CNTNAP2: variants seen among roughly 807,000 people sequenced by gnomAD.
The protein encoded by CNTNAP2 is contactin-associated protein-like 2.
In CNTNAP2, 98 loss-of-function variants were observed where a neutral mutation model predicts 155.2. The ratio of observed to expected loss-of-function variants is 0.63; its 90% CI spans 0.54 to 0.75. The LOEUF (loss-of-function observed/expected upper bound fraction) is 0.75. Ranked by LOEUF, CNTNAP2 falls within the 30% of genes least tolerant of loss-of-function variation. The probability of loss-of-function intolerance (pLI) is 0.00; values close to 1 mark genes in which losing one functional copy is unlikely to be tolerated. For missense variants in CNTNAP2, 1,727 were observed against 1,688.1 expected (o/e 1.02, Z -0.40); for synonymous variants, 651 against 631.2 (o/e 1.03, Z -0.47).
rs935590800 is a variant in CNTNAP2, at chr7:147,132,261, C to T, written c.1100C>T (p.Ser367Phe). The T allele has an allele frequency of 6.2e-7, 1 of 1,613,670 alleles. No homozygotes were observed. The highest frequency in any genetic ancestry group is 1.1e-5 in the South Asian group (1 of 91,078). Residue 367 changes from serine (S) to phenylalanine (F), a missense_variant, in exon 8 of 24, where the codon TCT (serine) becomes TTT (phenylalanine). Transcript: ENST00000361727. ...ATTTTACAGGGAAATTTGAGCTTTT[C>T]TTGTGTGGAACCCTATACGGTGCCT... is the stretch of plus-strand genomic sequence containing the variant. ...EPSNVGNLSF[S>F]CVEPYTVPVF... is the part of the protein sequence containing the mutation.
At position 146,342,926 on chromosome 7, in the gene CNTNAP2, A is replaced by C. The variant is rs566970994; in HGVS notation, c.97+225953A>C. Among the ~76,000 whole-genome samples, 14 of 152,352 alleles carry C rather than the reference A, an allele frequency of 9.2e-5. No individual in the cohort carries two copies. The South Asian group carries it at 2.7e-3, about 29-fold the overall frequency. On this transcript the variant is annotated intron_variant, in intron 1 of 23. Coordinates refer to ENST00000361727, the MANE Select transcript of CNTNAP2 (RefSeq NM_014141.6). ...AAATGTAACTGCAGAATTAGAATGCAGAATTGCTTCTCAAGCACACCACAC... is the reference window on the plus strand; with the variant it reads ...AAATGTAACTGCAGAATTAGAATGCCGAATTGCTTCTCAAGCACACCACAC...
chr7:148,348,828 C>T (rs1798369134), intron 21 of CNTNAP2, among the ~76,000 whole-genome samples: 1 of 152,180 alleles, frequency 6.6e-6, no homozygotes, highest in Non-Finnish European at 1.5e-5. Flanking sequence ...ACTACCTAAT[C>T]GGATGCGAGA....
intron 3 of CNTNAP2, among the ~76,000 whole-genome samples, chr7:147,013,908 G>C (rs891092691): frequency 6.6e-6 from 1 of 152,062 alleles, no homozygotes; most frequent in Non-Finnish European, 1.5e-5. Context: ...TCTCTCTTCC[G>C]ACATGCTTTG....
At chr7:148,394,891 T>C (rs1799432329) in intron 22 of CNTNAP2, among the ~76,000 whole-genome samples, 4 of 152,152 alleles carry the variant, frequency 2.6e-5, no homozygotes, top group Admixed American at 2.6e-4. Flanking sequence ...AGCCCACTGC[T>C]TCTTGTGGGA....
intron 8 of CNTNAP2, among the ~76,000 whole-genome samples, chr7:147,220,859 A>G (rs1803381032): frequency 6.6e-6 from 1 of 151,946 alleles, no homozygotes; most frequent in African/African-American, 2.4e-5. Flanking sequence ...GATTATAGGC[A>G]TTCATCACCA....
At chr7:147,554,846 T>TAA (rs796267547) in intron 11 of CNTNAP2, among the ~76,000 whole-genome samples, 5 of 145,968 alleles carry the variant, frequency 3.4e-5, no homozygotes, top group African/African-American at 1.2e-4. Flanking sequence ...ATTCAAGCTC[T>TAA]AAAAAAAAAA....
intron 1 of CNTNAP2, among the ~76,000 whole-genome samples, chr7:146,569,233 GTCTCGA>G (rs1798404660): frequency 6.6e-6 from 1 of 152,046 alleles, no homozygotes; most frequent in South Asian, 2.1e-4. Context: ...AGCCAGGATG[GTCTCGA>G]TCTCCTCCTG....
chr7:146,788,176 C>T (rs552379572), intron 2 of CNTNAP2, among the ~76,000 whole-genome samples: 18 of 152,292 alleles, frequency 1.2e-4, no homozygotes, highest in African/African-American at 3.1e-4. Context: ...GCCACCAAGC[C>T]GGCGCCCACC....
chr7:148,037,809 C>T (rs1314980022), intron 15 of CNTNAP2, among the ~76,000 whole-genome samples: 1 of 152,178 alleles, frequency 6.6e-6, no homozygotes, highest in Non-Finnish European at 1.5e-5. Flanking sequence ...ATAGTATACA[C>T]AGATGATTCT....
chr7:148,316,816 A>G (rs1000332476), intron 21 of CNTNAP2, among the ~76,000 whole-genome samples: 3 of 152,238 alleles, frequency 2.0e-5, no homozygotes, highest in African/African-American at 7.2e-5. Flanking sequence ...CTCTGGAGGC[A>G]CCAGTGTATA....
intron 1 of CNTNAP2, among the ~76,000 whole-genome samples, chr7:146,248,484 C>T (rs1197996874): frequency 6.6e-6 from 1 of 152,162 alleles, no homozygotes. Context: ...CTTCCCTAGT[C>T]CATGACCAGC....
rs913556621 is a variant in CNTNAP2, at chr7:148,048,425, C to T, written c.2384-69693C>T. On this transcript the variant is annotated intron_variant, in intron 15 of 23. Transcript: ENST00000361727. ...ACCACCTCCTTTCCCCCTCTCCCTT[C>T]CCTTTAATGAACCATCTAAGGGAAG... Among the ~76,000 whole-genome samples the T allele has an allele frequency of 9.9e-5, 15 of 152,140 alleles. No individual in the cohort carries two copies. In the South Asian group the frequency reaches 1.0e-3, roughly 11 times the overall value.
intron 1 of CNTNAP2, among the ~76,000 whole-genome samples, chr7:146,348,019 C>T (rs536707051): frequency 1.2e-4 from 18 of 152,244 alleles, no homozygotes; most frequent in Admixed American, 3.3e-4. Flanking sequence ...ATCTGTGGGC[C>T]TTTACAGCTA....
chr7:147,871,564 T>G (rs1799326450), intron 13 of CNTNAP2, among the ~76,000 whole-genome samples: 1 of 152,134 alleles, frequency 6.6e-6, no homozygotes, highest in Non-Finnish European at 1.5e-5. Flanking sequence ...CAGCCCCCAC[T>G]ACAGCCATTA....
intron 23 of CNTNAP2, among the ~76,000 whole-genome samples, chr7:148,413,401 A>ATAAATAAATAT (rs1554432357): frequency 4.4e-5 from 2 of 45,376 alleles, no homozygotes; most frequent in African/African-American, 2.5e-4. Flanking sequence ...TCAAAAAAAA[A>ATAAATAAATAT]ATATATATAT....
intron 1 of CNTNAP2, among the ~76,000 whole-genome samples, chr7:146,542,919 T>G (rs1797972901): frequency 6.6e-6 from 1 of 151,774 alleles, no homozygotes; most frequent in Non-Finnish European, 1.5e-5. Flanking sequence ...GAAGAGGGGA[T>G]GGGAGTTGGG....
intron 9 of CNTNAP2, among the ~76,000 whole-genome samples, chr7:147,327,368 G>T (rs1795479744): frequency 6.6e-6 from 1 of 152,132 alleles, no homozygotes; most frequent in African/African-American, 2.4e-5. Context: ...TCTGACTCTA[G>T]ACACTAATCT....
chr7:147,289,244 T>C lies in CNTNAP2; in HGVS notation c.1349-10897T>C, dbSNP rs546432891. 1.6e-4 allele frequency among the ~76,000 whole-genome samples: 24 copies of C among 152,228 alleles called. No individual in the cohort carries two copies. The South Asian group carries it at 5.0e-3, about 32-fold the overall frequency. On this transcript the variant is annotated intron_variant, in intron 8 of 23. Coordinates refer to ENST00000361727, the MANE Select transcript of CNTNAP2 (RefSeq NM_014141.6). ...TGGTATAAATGACATCCTGGTATGA[T>C]ACCCAGACTTAACGGCTTTACCACA...
chr7:146,298,903 G>A (rs181895505), intron 1 of CNTNAP2, among the ~76,000 whole-genome samples: 32 of 152,232 alleles, frequency 2.1e-4, no homozygotes, highest in Admixed American at 9.2e-4. Context: ...CTCCATTTGA[G>A]CTCAGATTTA....
Sources: gnomAD v4.1 joint callset for allele counts (sites outside exome capture counted in the v4.1 genomes callset) on GRCh38, gnomAD v4.1.1 for gene constraint, MANE v1.5 for transcripts, NCBI Gene and HGNC (gene_info 2026-07-23, HGNC 2026-07-21) for gene names.